The following NSF variants were observed in gnomAD, a reference collection of about 807,000 sequenced individuals.
The protein encoded by NSF is N-ethylmaleimide sensitive factor, vesicle fusing ATPase, also known as vesicle-fusing ATPase.
A neutral mutation model predicts 50.3 loss-of-function variants in NSF; 14 were observed. That is an observed-to-expected ratio of 0.28 (90% CI 0.18 to 0.44). NSF has a LOEUF of 0.44. Among genes scored for constraint, NSF ranks in the 20% least tolerant of loss-of-function variants. The pLI, the probability that NSF is intolerant of heterozygous loss-of-function variation, is 1.00. For synonymous variants in NSF, 109 were observed against 175.7 expected, an observed-to-expected ratio of 0.62 and a Z score of 3.00; for missense variants, 218 against 504.3, an observed-to-expected ratio of 0.43 and a Z score of 5.44.
intron 17 of NSF, among the ~76,000 whole-genome samples, chr17:46,742,785 C>A (rs149807536): frequency 6.6e-6 from 1 of 152,112 alleles, no homozygotes; most frequent in African/African-American, 2.4e-5. Context: ...TTTCTACCAT[C>A]GGGGAGTTGA....
intron 9 of NSF, among the ~76,000 whole-genome samples, chr17:46,681,620 G>T (rs1445512108): frequency 3.8e-4 from 56 of 145,492 alleles, no homozygotes; most frequent in Non-Finnish European, 6.3e-4. Flanking sequence ...TAAAATTTTT[G>T]TTGAGGGTAA....
intron 17 of NSF, among the ~76,000 whole-genome samples, chr17:46,730,729 A>G (rs2058940811): frequency 1.3e-5 from 2 of 152,142 alleles, no homozygotes; most frequent in African/African-American, 2.4e-5. Context: ...GCTGGAGTTT[A>G]TATTTAGACA....
intron 12 of NSF, among the ~76,000 whole-genome samples, chr17:46,703,698 A>AAC (rs2058630009): frequency 6.7e-6 from 1 of 149,718 alleles, no homozygotes; most frequent in African/African-American, 2.5e-5. Flanking sequence ...AAAAAAAAAA[A>AAC]AAAAAACAAA....
chr17:46,747,496 T>C (rs1267478762), intron 17 of NSF, among the ~76,000 whole-genome samples: 1 of 151,968 alleles, frequency 6.6e-6, no homozygotes, highest in African/African-American at 2.4e-5. Context: ...CCTAGACAAG[T>C]CTCAAACTCC....
At chr17:46,717,828 T>C (rs981894179) in intron 15 of NSF, among the ~76,000 whole-genome samples, 1 of 152,126 alleles carries the variant, frequency 6.6e-6, no homozygotes, top group African/African-American at 2.4e-5. Flanking sequence ...AAATCACGCT[T>C]AACAACTTTG....
chr17:46,746,276 G>A (rs1187887686), intron 17 of NSF, among the ~76,000 whole-genome samples: 2 of 152,022 alleles, frequency 1.3e-5, no homozygotes, highest in African/African-American at 4.8e-5. Context: ...TATTCTATGC[G>A]CAGTCATCTG....
intron 17 of NSF, among the ~76,000 whole-genome samples, chr17:46,749,376 A>G (rs1178597549): frequency 6.6e-6 from 1 of 152,236 alleles, no homozygotes; most frequent in Non-Finnish European, 1.5e-5. Flanking sequence ...AAAGTGTACT[A>G]AAGCCTTGTA....
At chr17:46,751,400 G>A (rs1316246342) in intron 18 of NSF, 103 bp from the exon 19 acceptor site, 40 of 802,946 alleles carry the variant, frequency 5.0e-5, no homozygotes, top group Non-Finnish European at 7.7e-5. Flanking sequence ...AACTTGAACA[G>A]TTAGGTAGTT....
rs1293243630 is a variant in NSF at position 46,757,171 on chromosome 17, T to C, written c.*1348T>C. The C allele has an allele frequency of 6.6e-6, 1 of 152,222 alleles. No individual in the cohort carries two copies. The highest frequency in any genetic ancestry group is 1.5e-5 in the Non-Finnish European group (1 of 68,030). 9.4% of individuals were successfully genotyped at this position (152,222 alleles called of 1,614,324 possible). ...TCCAAATCTTGCCATTTGTATACTT[T>C]TGGTGGAGACTTGGATGTCATATCT... On this transcript the variant is annotated 3_prime_UTR_variant, in exon 21 of 21. Coordinates refer to ENST00000398238, the MANE Select transcript of NSF (RefSeq NM_006178.4).
intron 1 of NSF, among the ~76,000 whole-genome samples, chr17:46,605,702 A>G (rs994462572): frequency 1.4e-5 from 1 of 73,048 alleles, no homozygotes; most frequent in African/African-American, 6.2e-5. Flanking sequence ...ATTCAGATCA[A>G]TTTCCTGAAG....
chr17:46,621,244 G>A (rs989518782), intron 1 of NSF, among the ~76,000 whole-genome samples: 9 of 150,154 alleles, frequency 6.0e-5, no homozygotes, highest in African/African-American at 2.3e-4. Flanking sequence ...GAATGAAGCC[G>A]TTAAAGGCTT....
Position 46,755,308 on chromosome 17 carries a change from A to G in NSF, c.2158-6A>G. The G allele has an allele frequency of 1.2e-6, 2 of 1,611,738 alleles. No individual in the cohort carries two copies. On this transcript the variant is annotated splice_region_variant and splice_polypyrimidine_tract_variant and intron_variant, in intron 19 of 20. Coordinates refer to ENST00000398238, the MANE Select transcript of NSF (RefSeq NM_006178.4). The stretch of plus-strand genomic sequence containing the variant: ...AACCCATCTTCATTTCTTCTGATGT[A>G]TTTAGATGGATCCTGAATACCGTGT...
Position 46,717,932 on chromosome 17 carries a change from A to T in NSF, c.1761+3946A>T, listed in dbSNP as rs576127526. Among the ~76,000 whole-genome samples, 5 of 152,304 alleles carry T rather than the reference A, an allele frequency of 3.3e-5. No individual in the cohort carries two copies. The South Asian group carries it at 1.0e-3, about 32-fold the overall frequency. On this transcript the variant is annotated intron_variant, in intron 15 of 20. Transcript: ENST00000398238. Reference sequence around the variant, plus strand: ...AGCTCAGCCTTCAGCAAGACAACAAAGACCCTGGCCCAGAAGAAGTGCTGG... The same window carrying T: ...AGCTCAGCCTTCAGCAAGACAACAATGACCCTGGCCCAGAAGAAGTGCTGG...
rs1269757439 is a variant in NSF, at chr17:46,755,969, T to C, written c.*146T>C. On this transcript the variant is annotated 3_prime_UTR_variant, in exon 21 of 21. Coordinates refer to ENST00000398238, the MANE Select transcript of NSF (RefSeq NM_006178.4). ...TGCTCGCTCTGCATGATTAGTGCAATAAAACTCCCTTCCTTATGCATACTG... is the reference window on the plus strand; with the variant it reads ...TGCTCGCTCTGCATGATTAGTGCAACAAAACTCCCTTCCTTATGCATACTG... 2 of 723,368 alleles carry C rather than the reference T, an allele frequency of 2.8e-6. No individual in the cohort carries two copies. Among genetic ancestry groups the C allele is most frequent in the African/African-American group, 3.6e-5 (2 of 55,934 alleles). The allele number at this position is 723,368 out of a possible 1,614,324, so 44.8% of individuals were successfully genotyped here.
In NSF at chr17:46,757,340, ATTGTG is replaced by A. The variant is rs1482051458; in HGVS notation, c.*1520_*1524del. On this transcript the variant is annotated 3_prime_UTR_variant, in exon 21 of 21. Coordinates refer to ENST00000398238, the MANE Select transcript of NSF (RefSeq NM_006178.4). The stretch of plus-strand genomic sequence containing the variant: ...TTTCCTCCTCATGAAAGCAGCACAC[ATTGTG>A]TTAACTTATGTCTCTTGTTAAATGA... 6.6e-6 allele frequency: 1 copy of A among 152,596 alleles called. No individual in the cohort carries two copies. The highest frequency in any genetic ancestry group is 1.5e-5 in the Non-Finnish European group (1 of 68,044). 9.5% of individuals were successfully genotyped at this position (152,596 alleles called of 1,614,324 possible). A position where few individuals can be genotyped will look rare whatever the true frequency, so the allele number is the denominator to read the frequency against.
chr17:46,745,237 C>T (rs943190735), intron 17 of NSF, among the ~76,000 whole-genome samples: 5 of 152,234 alleles, frequency 3.3e-5, no homozygotes, highest in Admixed American at 1.3e-4. Context: ...TTAATATATT[C>T]GGAGCTGTTT....
intron 9 of NSF, among the ~76,000 whole-genome samples, chr17:46,681,476 T>A (rs2058457312): frequency 7.0e-6 from 1 of 143,246 alleles, no homozygotes; most frequent in African/African-American, 2.6e-5. Flanking sequence ...GGCAACAGAA[T>A]GAGACCCTGT....
intron 19 of NSF, among the ~76,000 whole-genome samples, chr17:46,753,324 G>A (rs1420584820): frequency 6.6e-6 from 1 of 152,176 alleles, no homozygotes; most frequent in Non-Finnish European, 1.5e-5. Context: ...TAACAAATTG[G>A]AAACGTGAAG....
chr17:46,743,161 G>A (rs2059094087), intron 17 of NSF, among the ~76,000 whole-genome samples: 1 of 152,098 alleles, frequency 6.6e-6, no homozygotes, highest in South Asian at 2.1e-4. Flanking sequence ...AGCTGAAGAT[G>A]GGAGCTCTCA....
Sources: allele counts gnomAD v4.1 joint callset (sites outside exome capture counted in the v4.1 genomes callset), GRCh38; gene constraint gnomAD v4.1.1; transcripts MANE v1.5; gene names NCBI Gene and HGNC (gene_info 2026-07-23, HGNC 2026-07-21).